The following EPSTI1 variants were observed in gnomAD, a reference collection of about 807,000 sequenced individuals.
EPSTI1 encodes epithelial stromal interaction 1.
Under a neutral mutation model 49.9 loss-of-function variants are expected in EPSTI1, and 66 were observed. The observed-to-expected ratio is 1.32, with a 90% CI of 1.08 to 1.62. The LOEUF is 1.62. EPSTI1 is among the 40% of genes most tolerant of loss of function. The pLI is 0.00. For missense variants in EPSTI1, 394 were observed against 365.5 expected, an observed-to-expected ratio of 1.08 and a Z score of -0.64; for synonymous variants, 137 against 130.7, an observed-to-expected ratio of 1.05 and a Z score of -0.33.
chr13:42,967,865 C>G (rs1175793991), intron 3 of EPSTI1, among the ~76,000 whole-genome samples: 1 of 152,204 alleles, frequency 6.6e-6, no homozygotes, highest in Non-Finnish European at 1.5e-5. Flanking sequence ...AATCTGGGAA[C>G]AGAGCCATGA....
chr13:42,961,146 G>C (rs974906158), intron 5 of EPSTI1, among the ~76,000 whole-genome samples: 2 of 152,120 alleles, frequency 1.3e-5, no homozygotes, highest in South Asian at 2.1e-4. Flanking sequence ...CTGAGGTTTG[G>C]CTTTAGAATA....
chr13:42,924,846 T>G (rs2038123184), intron 7 of EPSTI1, among the ~76,000 whole-genome samples: 1 of 152,180 alleles, frequency 6.6e-6, no homozygotes, highest in African/African-American at 2.4e-5. Flanking sequence ...GACCTCTTCC[T>G]AAGGAGTGTC....
chr13:42,888,174 G>T lies in EPSTI1; in HGVS notation c.*320C>A. On this transcript the variant is annotated 3_prime_UTR_variant, in exon 11 of 11. Coordinates refer to ENST00000313624, the MANE Select transcript of EPSTI1 (RefSeq NM_033255.5). ...GAAAGACAAGCCTGTAGCACCCATAGCTCTGATTAACCTGAAAGCATCAAG... is the reference window on the plus strand; with the variant it reads ...GAAAGACAAGCCTGTAGCACCCATATCTCTGATTAACCTGAAAGCATCAAG... 6.5e-7 allele frequency: 1 copy of T among 1,527,056 alleles called. No homozygotes were observed. Among genetic ancestry groups the T allele is most frequent in the Non-Finnish European group, 8.9e-7 (1 of 1,119,074 alleles). The allele number at this position is 1,527,056 out of a possible 1,614,324, so 94.6% of individuals were successfully genotyped here. A position where few individuals can be genotyped will look rare whatever the true frequency, so the allele number is the denominator to read the frequency against.
intron 1 of EPSTI1, among the ~76,000 whole-genome samples, chr13:42,989,184 GT>G (rs200488285): frequency 6.6e-6 from 1 of 150,502 alleles, no homozygotes; most frequent in African/African-American, 2.4e-5. Flanking sequence ...TTAAACCAGT[GT>G]TTTTTTTTAA....
At chr13:42,951,420 A>G (rs1233243283) in intron 6 of EPSTI1, among the ~76,000 whole-genome samples, 1 of 152,236 alleles carries the variant, frequency 6.6e-6, no homozygotes, top group African/African-American at 2.4e-5. Flanking sequence ...TTAAAAATCA[A>G]TTTGAGATAC....
intron 2 of EPSTI1, 48 bp downstream of exon 2, chr13:42,970,564 G>A (rs962287855): frequency 1.3e-6 from 2 of 1,488,356 alleles, no homozygotes; most frequent in South Asian, 1.3e-5. Context: ...CAAACCAATT[G>A]TAAAAAGAGA....
At chr13:42,962,889 G>A (rs1412888246) in intron 5 of EPSTI1, among the ~76,000 whole-genome samples, 1 of 152,188 alleles carries the variant, frequency 6.6e-6, no homozygotes, top group Non-Finnish European at 1.5e-5. Context: ...CCAATGATGG[G>A]TATTAAATGA....
chr13:42,972,133 C>T (rs915864315), intron 1 of EPSTI1, among the ~76,000 whole-genome samples: 1 of 152,078 alleles, frequency 6.6e-6, no homozygotes, highest in South Asian at 2.1e-4. Context: ...ACATCAGATA[C>T]GAGACGTAAA....
chr13:42,900,135 T>C (rs531635000), intron 9 of EPSTI1, among the ~76,000 whole-genome samples, 175 bp downstream of exon 9: 2 of 152,238 alleles, frequency 1.3e-5, no homozygotes, highest in South Asian at 2.1e-4. Context: ...TGTGTACTTA[T>C]ATATGTAGCA....
chr13:42,968,921 T>TACACACACACACACACAC (rs71970864), intron 3 of EPSTI1, among the ~76,000 whole-genome samples, 173 bp downstream of exon 3: 13 of 117,628 alleles, frequency 1.1e-4, no homozygotes, highest in African/African-American at 3.5e-4. Context: ...AAAAAAAAAA[T>TACACACACACACACACAC]ACACACACAC....
intron 6 of EPSTI1, among the ~76,000 whole-genome samples, chr13:42,946,052 G>A (rs2038908175): frequency 6.6e-6 from 1 of 152,150 alleles, no homozygotes; most frequent in Non-Finnish European, 1.5e-5. Context: ...ATATGGGTAA[G>A]GGATCAACTG....
chr13:42,931,294 T>C lies in EPSTI1; in HGVS notation c.564-4865A>G, dbSNP rs866419604. On this transcript the variant is annotated intron_variant, in intron 6 of 10. Transcript: ENST00000313624. ...AATCTCGGCTCACTGCAAGCTCCGC[T>C]TCCCGGGTTCACGCCATTCTCCTGC... Among the ~76,000 whole-genome samples the C allele has an allele frequency of 9.8e-5, 14 of 142,484 alleles. No homozygotes were observed. The Middle Eastern group carries it at 0.012, about 119-fold the overall frequency. The allele number at this position is 142,484 out of a possible 152,430, so 93.5% of individuals were successfully genotyped here. A position where few individuals can be genotyped will look rare whatever the true frequency, so the allele number is the denominator to read the frequency against.
At chr13:42,905,946 T>G (rs1406411090) in intron 8 of EPSTI1, among the ~76,000 whole-genome samples, 2 of 152,234 alleles carry the variant, frequency 1.3e-5, no homozygotes, top group African/African-American at 4.8e-5. Flanking sequence ...CAGAGCTGCA[T>G]ACAAACGAGG....
At chr13:42,945,347 C>T (rs186319474) in intron 6 of EPSTI1, among the ~76,000 whole-genome samples, 39 of 152,308 alleles carry the variant, frequency 2.6e-4, no homozygotes, top group Non-Finnish European at 4.4e-4. Flanking sequence ...TACCTCCGGC[C>T]AGGTCCCTCC....
At position 42,907,587 on chromosome 13, in the gene EPSTI1, A is replaced by G. The variant is rs558749787; in HGVS notation, c.742-7204T>C. ...ATCCTCTCACCAGTAATAGTACTTC[A>G]GTGTTTGTGGTATATATTGACGTCT... On this transcript the variant is annotated intron_variant, in intron 8 of 10. Coordinates refer to ENST00000313624, the MANE Select transcript of EPSTI1 (RefSeq NM_033255.5). Among the ~76,000 whole-genome samples the G allele has an allele frequency of 2.0e-5, 3 of 152,346 alleles. No homozygotes were observed. In the East Asian group the frequency reaches 5.8e-4, roughly 29 times the overall value.
At chr13:42,926,008 G>C (rs2038159362) in intron 7 of EPSTI1, among the ~76,000 whole-genome samples, 1 of 152,062 alleles carries the variant, frequency 6.6e-6, no homozygotes, top group African/African-American at 2.4e-5. Context: ...TGGAAGGAAG[G>C]ATGGATGGAT....
chr13:42,913,097 TGGAGA>T (rs888777304), intron 8 of EPSTI1, among the ~76,000 whole-genome samples: 1 of 125,310 alleles, frequency 8.0e-6, no homozygotes, highest in Non-Finnish European at 1.7e-5. Flanking sequence ...GAAGGGGGAG[TGGAGA>T]GAAGAAAAAA....
intron 8 of EPSTI1, among the ~76,000 whole-genome samples, chr13:42,911,265 G>GTGTGTGCGCA (rs771037394): frequency 2.7e-5 from 2 of 74,544 alleles, no homozygotes; most frequent in Non-Finnish European, 5.1e-5. Context: ...GTGTGTGTGT[G>GTGTGTGCGCA]CGCGCGCACG....
intron 6 of EPSTI1, among the ~76,000 whole-genome samples, chr13:42,929,408 G>A (rs768067671): frequency 5.3e-5 from 8 of 152,058 alleles, no homozygotes; most frequent in Non-Finnish European, 8.8e-5. Context: ...CATTCTGATG[G>A]CACTCAATCC....
Sources: allele counts gnomAD v4.1 joint callset (sites outside exome capture counted in the v4.1 genomes callset), GRCh38; gene constraint gnomAD v4.1.1; transcripts MANE v1.5; gene names NCBI Gene and HGNC (gene_info 2026-07-23, HGNC 2026-07-21).